UBAP2: variants seen among roughly 807,000 people sequenced by gnomAD.
UBAP2 encodes ubiquitin-associated protein 2.
In UBAP2, 75 loss-of-function variants were observed where a neutral mutation model predicts 139.6. That is an observed-to-expected ratio of 0.54 (90% CI 0.45 to 0.65). The LOEUF is 0.65. Among genes scored for constraint, UBAP2 ranks in the 30% least tolerant of loss-of-function variants. The probability of loss-of-function intolerance (pLI) is 0.00; values close to 1 mark genes in which losing one functional copy is unlikely to be tolerated. For synonymous variants in UBAP2, 526 were observed against 526.2 expected (o/e 1.00, Z 0.01); for missense variants, 1,368 against 1,369.6 (o/e 1.00, Z 0.02).
intron 5 of UBAP2, among the ~76,000 whole-genome samples, chr9:33,988,463 G>A (rs948867952): frequency 3.9e-5 from 6 of 152,194 alleles, no homozygotes; most frequent in African/African-American, 1.2e-4. Flanking sequence ...AATGAGACCT[G>A]CCTATGAGAA....
At chr9:33,937,599 CAAA>C (rs1185167927) in intron 16 of UBAP2, among the ~76,000 whole-genome samples, 5 of 85,498 alleles carry the variant, frequency 5.8e-5, no homozygotes, top group Admixed American at 3.9e-4. Context: ...GACTCTGTCT[CAAA>C]AAAAAAAAAA....
rs545929831 is a variant in UBAP2 at position 34,015,117 on chromosome 9, T to C, written c.99+1933A>G. ...AACTATCAAAGTATAGTCAAATCAA[T>C]CTGCAAGTAAGACAAACTGGATATA... On this transcript the variant is annotated intron_variant, in intron 2 of 28. Coordinates refer to ENST00000379238, the MANE Select transcript of UBAP2 (RefSeq NM_001370062.2). Among the ~76,000 whole-genome samples, 24 of 152,338 alleles carry C rather than the reference T, an allele frequency of 1.6e-4. 1 individual carries two copies. In the South Asian group the frequency reaches 5.0e-3, roughly 32 times the overall value.
rs530256560 is a variant in UBAP2, at chr9:34,037,930, C to G, written c.-42+10895G>C. 3.5e-5 allele frequency among the ~76,000 whole-genome samples: 5 copies of G among 144,906 alleles called. No homozygotes were observed. The South Asian group carries it at 8.6e-4, about 25-fold the overall frequency. On this transcript the variant is annotated intron_variant, in intron 1 of 28. Transcript: ENST00000379238. Reference sequence around the variant, plus strand: ...CCTATAATCCCAACACTTTGGGAGGCTGAGGTGAGCACTTGAACCCAGAAG... The same window carrying G: ...CCTATAATCCCAACACTTTGGGAGGGTGAGGTGAGCACTTGAACCCAGAAG...
At chr9:33,961,387 A>G (rs907941500) in intron 9 of UBAP2, among the ~76,000 whole-genome samples, 23 of 152,344 alleles carry the variant, frequency 1.5e-4, no homozygotes, top group African/African-American at 5.5e-4. Flanking sequence ...TGGCTTCCTA[A>G]TAGGTCTCCA....
intron 1 of UBAP2, 103 bp from the exon 2 acceptor site, chr9:34,017,292 GA>G (rs774049948): frequency 6.1e-6 from 3 of 493,226 alleles, no homozygotes; most frequent in Non-Finnish European, 1.0e-5. Flanking sequence ...AAGCTCTCTG[GA>G]ATACAAATTC....
intron 2 of UBAP2, among the ~76,000 whole-genome samples, chr9:34,016,245 A>AGGG (rs141358835): frequency 0.026 from 436 of 17,006 alleles, 1 homozygote; most frequent in East Asian, 0.082. Context: ...AAGGGGAGGA[A>AGGG]GAGGAGGAGG....
At chr9:33,996,374 A>C (rs1332497117) in intron 3 of UBAP2, 41 bp from the exon 4 acceptor site, 2 of 1,346,788 alleles carry the variant, frequency 1.5e-6, no homozygotes, top group African/African-American at 2.9e-5. Context: ...CAAACAAAAA[A>C]CTGGCACTTG....
chr9:33,996,975 A>G (rs1822257173), intron 3 of UBAP2: 1 of 152,380 alleles, frequency 6.6e-6, no homozygotes, highest in African/African-American at 2.4e-5. Context: ...GAAGGTTGCA[A>G]TAAGCCATGA....
chr9:33,960,240 A>G (rs1159883896), intron 10 of UBAP2, among the ~76,000 whole-genome samples: 1 of 151,856 alleles, frequency 6.6e-6, no homozygotes, highest in African/African-American at 2.4e-5. Flanking sequence ...TAACACCTCA[A>G]CCTTTTTTCT....
chr9:33,947,409 A>G (rs1231967316), intron 13 of UBAP2, among the ~76,000 whole-genome samples: 2 of 152,200 alleles, frequency 1.3e-5, no homozygotes, highest in Non-Finnish European at 2.9e-5. Context: ...TTTAGTTTAG[A>G]AAACATCCAG....
chr9:33,951,272 C>T (rs1201430312), intron 12 of UBAP2, among the ~76,000 whole-genome samples: 1 of 151,514 alleles, frequency 6.6e-6, no homozygotes, highest in Non-Finnish European at 1.5e-5. Flanking sequence ...CAGCCTCAGC[C>T]TCCCAAAGTT....
chr9:33,948,267 AG>A (rs1211770516), intron 13 of UBAP2, 106 bp downstream of exon 13: 1 of 1,000,100 alleles, frequency 1.0e-6, no homozygotes, highest in African/African-American at 1.6e-5. Flanking sequence ...TCTACTAAAA[AG>A]AAACATCTCT....
intron 1 of UBAP2, among the ~76,000 whole-genome samples, chr9:34,018,732 G>A (rs536968409): frequency 7.9e-5 from 12 of 151,740 alleles, no homozygotes. Context: ...GCGTAGTGGC[G>A]GGCGACTGTA....
intron 15 of UBAP2, among the ~76,000 whole-genome samples, chr9:33,943,022 A>C (rs1002444696): frequency 2.0e-5 from 3 of 152,218 alleles, no homozygotes; most frequent in African/African-American, 7.2e-5. Flanking sequence ...TATAGTCAAA[A>C]AGAGCAAACA....
At chr9:34,010,053 T>C (rs1344353959) in intron 2 of UBAP2, among the ~76,000 whole-genome samples, 3 of 144,690 alleles carry the variant, frequency 2.1e-5, no homozygotes, top group Admixed American at 2.1e-4. Context: ...GTGATCTACC[T>C]GCCTTGGCCT....
intron 2 of UBAP2, chr9:34,011,685 A>G (rs1017944055): frequency 1.0e-6 from 1 of 987,158 alleles, no homozygotes; most frequent in African/African-American, 1.7e-5. Context: ...AAGAGGAAAA[A>G]TCAGGATCAA....
intron 2 of UBAP2, among the ~76,000 whole-genome samples, chr9:34,004,940 C>T (rs1823056227): frequency 6.6e-6 from 1 of 151,614 alleles, no homozygotes; most frequent in Non-Finnish European, 1.5e-5. Flanking sequence ...AAATCAGACA[C>T]TTCTTGCATC....
chr9:34,031,154 T>C (rs1465864282), intron 1 of UBAP2, among the ~76,000 whole-genome samples: 2 of 150,640 alleles, frequency 1.3e-5, no homozygotes, highest in Non-Finnish European at 3.0e-5. Flanking sequence ...GGCACGGACC[T>C]GTAATCCTAC....
intron 1 of UBAP2, among the ~76,000 whole-genome samples, chr9:34,029,933 G>C (rs1425319729): frequency 6.6e-6 from 1 of 151,206 alleles, no homozygotes; most frequent in African/African-American, 2.4e-5. Flanking sequence ...GTTGCAGTGA[G>C]CTGAGATTGC....
Sources: allele counts gnomAD v4.1 joint callset (sites outside exome capture counted in the v4.1 genomes callset), GRCh38; gene constraint gnomAD v4.1.1; transcripts MANE v1.5; gene names NCBI Gene and HGNC (gene_info 2026-07-23, HGNC 2026-07-21).